MMP26: variants seen among roughly 807,000 people sequenced by gnomAD.
MMP26 encodes the protein matrix metalloproteinase-26.
Under a neutral mutation model 31.0 loss-of-function variants are expected in MMP26, and 33 were observed. That is an observed-to-expected ratio of 1.06 (90% CI 0.81 to 1.42). MMP26 has a LOEUF of 1.42. MMP26 is among the 40% of genes most tolerant of loss of function. The pLI, the probability that MMP26 is intolerant of heterozygous loss-of-function variation, is 0.00. For missense variants in MMP26, 347 were observed against 316.1 expected, an observed-to-expected ratio of 1.10 and a Z score of -0.74; for synonymous variants, 122 against 114.9, an observed-to-expected ratio of 1.06 and a Z score of -0.40.
intron 2 of MMP26, among the ~76,000 whole-genome samples, chr11:4,807,578 G>A (rs567997714): frequency 7.5e-5 from 11 of 145,930 alleles, no homozygotes; most frequent in Non-Finnish European, 1.2e-4. Context: ...GAGAACACAT[G>A]GATACAGGGT....
chr11:4,757,862 G>A (rs1415584062), intron 1 of MMP26, among the ~76,000 whole-genome samples: 1 of 151,902 alleles, frequency 6.6e-6, no homozygotes, highest in Non-Finnish European at 1.5e-5. Flanking sequence ...ACCAAGTGTT[G>A]ATAAGCATGT....
intron 2 of MMP26, chr11:4,803,439 G>T: frequency 2.5e-6 from 4 of 1,599,240 alleles, no homozygotes; most frequent in Non-Finnish European, 3.4e-6. Context: ...TTGCTCAGGG[G>T]ATGTTTCCAC....
chr11:4,794,191 T>G (rs1425484865), intron 2 of MMP26: 2 of 152,182 alleles, frequency 1.3e-5, no homozygotes, highest in Non-Finnish European at 2.9e-5. Context: ...TAGGGCAAGA[T>G]CTAGCTGAGG....
intron 2 of MMP26, among the ~76,000 whole-genome samples, chr11:4,873,866 T>C (rs1237012752): frequency 6.6e-6 from 1 of 152,110 alleles, no homozygotes; most frequent in East Asian, 1.9e-4. Context: ...TTCAAGGTCA[T>C]AGAGCTAAGA....
intron 2 of MMP26, among the ~76,000 whole-genome samples, chr11:4,857,844 G>A (rs1293208583): frequency 3.3e-5 from 5 of 152,098 alleles, no homozygotes; most frequent in South Asian, 2.1e-4. Context: ...CTGGCAAACC[G>A]AATCCAGCAG....
intron 2 of MMP26, among the ~76,000 whole-genome samples, chr11:4,841,496 G>C (rs1583350): frequency 0.2 from 29,805 of 152,060 alleles, 3,065 homozygotes; most frequent in African/African-American, 0.24. Flanking sequence ...AGTAACATAA[G>C]ATAATTAAAG....
intron 2 of MMP26, among the ~76,000 whole-genome samples, chr11:4,917,386 T>C (rs950072848): frequency 2.4e-4 from 36 of 152,366 alleles, no homozygotes; most frequent in African/African-American, 8.7e-4. Flanking sequence ...AAACAATGAT[T>C]ACTCTTTCTT....
intron 2 of MMP26, among the ~76,000 whole-genome samples, chr11:4,857,395 C>A (rs2133507155): frequency 6.6e-6 from 1 of 152,072 alleles, no homozygotes; most frequent in Non-Finnish European, 1.5e-5. Context: ...AAGGGGATAT[C>A]ACCACCAATC....
At chr11:4,723,614 T>C in intron 1 of MMP26, 1 of 911,832 alleles carries the variant, frequency 1.1e-6, no homozygotes, top group Non-Finnish European at 1.8e-6. Context: ...ACAAATTCAT[T>C]CTCCAGCTCT....
intron 2 of MMP26, among the ~76,000 whole-genome samples, chr11:4,813,554 A>G (rs1162412844): frequency 6.6e-6 from 1 of 152,180 alleles, no homozygotes; most frequent in Non-Finnish European, 1.5e-5. Flanking sequence ...AGATGAATCA[A>G]TTCTATTCAG....
chr11:4,932,371 G>C (rs1049046084), intron 2 of MMP26, among the ~76,000 whole-genome samples: 1 of 152,092 alleles, frequency 6.6e-6, no homozygotes, highest in South Asian at 2.1e-4. Context: ...CTCTTTATTT[G>C]TTGCAGCTAT....
chr11:4,989,841 A>G lies in MMP26; in HGVS notation c.293A>G (p.Lys98Arg). 8.7e-6 allele frequency: 14 copies of G among 1,610,760 alleles called. No individual in the cohort carries two copies. The highest frequency in any genetic ancestry group is 1.2e-5 in the Non-Finnish European group (14 of 1,179,976). ...SDTSISPGRC[K>R]WNKHTLTYRI... is the part of the protein sequence containing the mutation. The stretch of plus-strand genomic sequence containing the variant: ...ACCTCCATCTCGCCAGGAAGATGCA[A>G]GTGGAATAAGCACACTCTAACTTAC... The change falls in exon 4 of 8, where the codon AAG (lysine) becomes AGG (arginine). Residue 98 changes from lysine to arginine, a missense_variant. By Grantham distance (26) the Lys-to-Arg change is conservative (BLOSUM62 2). Coordinates refer to ENST00000380390, the MANE Select transcript of MMP26 (RefSeq NM_021801.5).
At chr11:4,748,084 A>G (rs966932042) in intron 1 of MMP26, among the ~76,000 whole-genome samples, 1 of 152,056 alleles carries the variant, frequency 6.6e-6, no homozygotes, top group Admixed American at 6.6e-5. Context: ...AGGAAATTCA[A>G]ATAAGTACAC....
chr11:4,885,570 G>T (rs1248461406), intron 2 of MMP26, among the ~76,000 whole-genome samples: 1 of 151,980 alleles, frequency 6.6e-6, no homozygotes, highest in East Asian at 1.9e-4. Flanking sequence ...TATGTAGTAG[G>T]CTATACCCTC....
chr11:4,706,085 A>G (rs929742918), intron 1 of MMP26, among the ~76,000 whole-genome samples: 20 of 152,158 alleles, frequency 1.3e-4, no homozygotes, highest in African/African-American at 4.8e-4. Flanking sequence ...AGTTGAAGAA[A>G]GATTCTATGA....
rs944062590 is a variant in MMP26, at chr11:4,834,580, C to G, written c.-145+67239C>G. ...AGAAGAAGGAGTAAATAAACCCCAT[C>G]AGGGTTACGTGTCCTCTAAAGTCCT... On this transcript the variant is annotated intron_variant, in intron 2 of 7. Transcript: ENST00000380390. Among the ~76,000 whole-genome samples, 37 of 152,186 alleles carry G rather than the reference C, an allele frequency of 2.4e-4. 1 individual carries two copies.
At chr11:4,912,723 C>A (rs1851010054) in intron 2 of MMP26, 1 of 152,090 alleles carries the variant, frequency 6.6e-6, no homozygotes, top group Admixed American at 6.6e-5. Context: ...CAGCTATAAC[C>A]TAGGCAGCTG....
chr11:4,787,271 TC>T (rs985717725), intron 2 of MMP26: 77 of 152,414 alleles, frequency 5.1e-4, no homozygotes, highest in African/African-American at 1.8e-3. Context: ...TTTTGCAAAG[TC>T]AATGTCCTTT....
intron 2 of MMP26, among the ~76,000 whole-genome samples, chr11:4,870,946 G>A (rs1468190241): frequency 1.3e-5 from 2 of 152,014 alleles, no homozygotes; most frequent in Non-Finnish European, 2.9e-5. Flanking sequence ...AGTTAAAGTA[G>A]AGGAAAAAAG....
Sources: gnomAD v4.1 joint callset for allele counts (sites outside exome capture counted in the v4.1 genomes callset) on GRCh38, gnomAD v4.1.1 for gene constraint, MANE v1.5 for transcripts, NCBI Gene and HGNC (gene_info 2026-07-23, HGNC 2026-07-21) for gene names.